Variants in GRM5 observed in about 807,000 individuals in gnomAD.
GRM5 encodes metabotropic glutamate receptor 5.
Under a neutral mutation model 83.1 loss-of-function variants are expected in GRM5, and 19 were observed. The ratio of observed to expected loss-of-function variants is 0.23; its 90% confidence interval spans 0.16 to 0.34. The LOEUF (loss-of-function observed/expected upper bound fraction) is 0.34, where lower values mean the gene tolerates loss of function less well. GRM5 is among the 10% of genes least tolerant of loss of function. GRM5 has a pLI of 1.00. For synonymous variants in GRM5, 675 were observed against 633.6 expected (o/e 1.07, Z -0.98); for missense variants, 1,160 against 1,588.3 (o/e 0.73, Z 4.58).
At chr11:88,931,585 G>A (rs942612620) in intron 2 of GRM5, among the ~76,000 whole-genome samples, 1 of 152,136 alleles carries the variant, frequency 6.6e-6, no homozygotes, top group African/African-American at 2.4e-5. Flanking sequence ...TGAGGAACTA[G>A]CATGAGCAAA....
chr11:88,588,438 G>A (rs1943364785), intron 7 of GRM5, among the ~76,000 whole-genome samples: 1 of 151,908 alleles, frequency 6.6e-6, no homozygotes, highest in South Asian at 2.1e-4. Flanking sequence ...ATCAAAAGTG[G>A]ATTAAGAGGC....
At chr11:89,008,072 T>C (rs1424986033) in intron 2 of GRM5, among the ~76,000 whole-genome samples, 1 of 152,200 alleles carries the variant, frequency 6.6e-6, no homozygotes, top group Non-Finnish European at 1.5e-5. Flanking sequence ...AGGAGAAATA[T>C]GTAATACAAT....
chr11:88,593,725 C>T (rs1335143987), intron 6 of GRM5, among the ~76,000 whole-genome samples: 1 of 150,104 alleles, frequency 6.7e-6, no homozygotes, highest in Non-Finnish European at 1.5e-5. Context: ...TTTTCCCTTT[C>T]TTCCTTCCCT....
intron 3 of GRM5, among the ~76,000 whole-genome samples, chr11:88,713,142 T>G (rs1941317740): frequency 6.6e-6 from 1 of 152,078 alleles, no homozygotes; most frequent in Non-Finnish European, 1.5e-5. Flanking sequence ...ATTGTGCCTC[T>G]TAGTCACAGT....
chr11:88,810,334 A>T (rs1442392605), intron 3 of GRM5, among the ~76,000 whole-genome samples: 1 of 152,126 alleles, frequency 6.6e-6, no homozygotes, highest in Non-Finnish European at 1.5e-5. Flanking sequence ...GAAGAGGAAT[A>T]AAAGAGGATT....
chr11:88,948,777 TAA>T lies in GRM5; in HGVS notation c.661+98433_661+98434del, dbSNP rs1244046686. On this transcript the variant is annotated intron_variant, in intron 2 of 9. Transcript: ENST00000305447. Reference sequence around the variant, plus strand: ...GTGCAAATATTAGTTTCCAAAGAAATAAAGTTAATTATGAAAACAATTCAAAA... The same window carrying T: ...GTGCAAATATTAGTTTCCAAAGAAATAGTTAATTATGAAAACAATTCAAAA... 8.5e-5 allele frequency among the ~76,000 whole-genome samples: 13 copies of T among 152,246 alleles called. No homozygotes were observed. The East Asian group carries it at 2.5e-3, about 29-fold the overall frequency.
chr11:88,863,667 A>C (rs1944609577), intron 2 of GRM5, among the ~76,000 whole-genome samples: 1 of 152,054 alleles, frequency 6.6e-6, no homozygotes, highest in South Asian at 2.1e-4. Context: ...AAACTGTAAA[A>C]TATGTTAAAA....
chr11:88,822,162 T>A (rs534801830), intron 3 of GRM5, among the ~76,000 whole-genome samples: 1 of 152,172 alleles, frequency 6.6e-6, no homozygotes, highest in Non-Finnish European at 1.5e-5. Context: ...GAAATAGATA[T>A]AATATATGTC....
At chr11:89,009,870 C>T (rs1372264927) in intron 2 of GRM5, among the ~76,000 whole-genome samples, 1 of 117,078 alleles carries the variant, frequency 8.5e-6, no homozygotes, top group African/African-American at 3.2e-5. Context: ...CACTGCACTC[C>T]AGCCTGGGCG....
intron 2 of GRM5, among the ~76,000 whole-genome samples, chr11:88,927,871 G>T (rs376417455): frequency 6.6e-6 from 1 of 152,052 alleles, no homozygotes; most frequent in Non-Finnish European, 1.5e-5. Flanking sequence ...ATACATGCAC[G>T]TTATGATGAT....
chr11:88,804,912 T>C (rs1343395313), intron 3 of GRM5, among the ~76,000 whole-genome samples: 1 of 152,106 alleles, frequency 6.6e-6, no homozygotes, highest in Non-Finnish European at 1.5e-5. Flanking sequence ...AAGCCCAGAC[T>C]TCACTACACA....
chr11:88,896,433 G>C (rs771827118), intron 2 of GRM5, among the ~76,000 whole-genome samples: 1 of 151,932 alleles, frequency 6.6e-6, no homozygotes, highest in African/African-American at 2.4e-5. Context: ...ATGGGGCAGA[G>C]TGGGAAATGA....
At chr11:88,603,421 A>T (rs901250293) in intron 5 of GRM5, among the ~76,000 whole-genome samples, 4 of 152,256 alleles carry the variant, frequency 2.6e-5, no homozygotes, top group Non-Finnish European at 5.9e-5. Context: ...ATCTGAGCCC[A>T]GGCCTTGACC....
chr11:88,982,197 A>G (rs1939546794), intron 2 of GRM5, among the ~76,000 whole-genome samples: 2 of 152,232 alleles, frequency 1.3e-5, no homozygotes, highest in African/African-American at 4.8e-5. Context: ...TCTCATGTTC[A>G]TCATGTGATT....
At chr11:89,052,165 G>A (rs1046467742) in intron 1 of GRM5, among the ~76,000 whole-genome samples, 30 of 152,202 alleles carry the variant, frequency 2.0e-4, no homozygotes, top group Non-Finnish European at 4.0e-4. Context: ...AGATATCCAT[G>A]TAAAGATGTC....
intron 4 of GRM5, among the ~76,000 whole-genome samples, chr11:88,618,861 T>C (rs1938557642): frequency 6.6e-6 from 1 of 152,226 alleles, no homozygotes; most frequent in African/African-American, 2.4e-5. Context: ...GGGTCTGCTA[T>C]GAGCCAGGAT....
intron 3 of GRM5, among the ~76,000 whole-genome samples, chr11:88,773,291 T>A (rs911728237): frequency 2.6e-4 from 39 of 152,214 alleles, no homozygotes; most frequent in Non-Finnish European, 1.2e-4. Flanking sequence ...GTCCACTTTT[T>A]GATGTGGCTG....
rs531233709 is a variant in GRM5, at chr11:88,849,433, C to A, written c.911+473G>T. Among the ~76,000 whole-genome samples, 5 of 152,184 alleles carry A rather than the reference C, an allele frequency of 3.3e-5. 1 individual carries two copies. In the East Asian group the frequency reaches 9.7e-4, roughly 30 times the overall value. ...AACAATGTAGGTCACCAGGCACCTA[C>A]ATTTTTGTGATATAAAATAACAAGC... On this transcript the variant is annotated intron_variant, in intron 3 of 9. Coordinates refer to ENST00000305447, the MANE Select transcript of GRM5 (RefSeq NM_001143831.3).
At chr11:88,972,419 AG>A (rs1939194437) in intron 2 of GRM5, among the ~76,000 whole-genome samples, 1 of 152,146 alleles carries the variant, frequency 6.6e-6, no homozygotes, top group Admixed American at 6.6e-5. Context: ...TTGACTGTTG[AG>A]CCACTTTTTG....
Sources: allele counts gnomAD v4.1 joint callset (sites outside exome capture counted in the v4.1 genomes callset), GRCh38; gene constraint gnomAD v4.1.1; transcripts MANE v1.5; gene names NCBI Gene and HGNC (gene_info 2026-07-23, HGNC 2026-07-21).